Variants in C9orf153 observed in about 807,000 individuals in gnomAD.
C9orf153 encodes chromosome 9 open reading frame 153, also known as uncharacterized protein C9orf153.
In C9orf153, 10 loss-of-function variants were observed where a neutral mutation model predicts 9.0. The ratio of observed to expected loss-of-function variants is 1.11; its 90% confidence interval spans 0.69 to 1.89. The LOEUF (loss-of-function observed/expected upper bound fraction) is 1.89. Ranked by LOEUF, C9orf153 falls within the 40% of genes most tolerant of loss-of-function variation. C9orf153 has a pLI of 0.00. For missense variants in C9orf153, 108 were observed against 111.0 expected (o/e 0.97, Z 0.12); for synonymous variants, 35 against 37.3 (o/e 0.94, Z 0.23).
At chr9:86,252,903 G>A (rs1392683992) in intron 1 of C9orf153, among the ~76,000 whole-genome samples, 3 of 152,304 alleles carry the variant, frequency 2.0e-5, no homozygotes, top group African/African-American at 4.8e-5. Flanking sequence ...ACCTGGAGCT[G>A]AACTGATAGA....
chr9:86,232,410 T>C (rs1225286505), intron 1 of C9orf153, among the ~76,000 whole-genome samples: 2 of 152,234 alleles, frequency 1.3e-5, no homozygotes, highest in African/African-American at 4.8e-5. Flanking sequence ...ATGGAGAGTG[T>C]TCCTGGTGAA....
chr9:86,221,456 C>T lies in C9orf153; in HGVS notation c.*232G>A. ...ACTTTTTGTGTATTAAATCAATGCT[C>T]TCAAAAGCAAAAATCTACGTCCAAA... On this transcript the variant is annotated 3_prime_UTR_variant, in exon 4 of 4. Coordinates refer to ENST00000339137, the MANE Select transcript of C9orf153 (RefSeq NM_001276366.4). 8.5e-7 allele frequency: 1 copy of T among 1,169,736 alleles called. No homozygotes were observed. Among genetic ancestry groups the T allele is most frequent in the Non-Finnish European group, 1.1e-6 (1 of 914,924 alleles). 72.5% of individuals were successfully genotyped at this position (1,169,736 alleles called of 1,614,324 possible). A position where few individuals can be genotyped will look rare whatever the true frequency, so the allele number is the denominator to read the frequency against.
chr9:86,251,207 T>A (rs1824986116), intron 1 of C9orf153, among the ~76,000 whole-genome samples: 1 of 152,222 alleles, frequency 6.6e-6, no homozygotes, highest in Admixed American at 6.5e-5. Flanking sequence ...AAATATGATA[T>A]AATGCCAAGA....
chr9:86,242,997 T>C (rs1824782140), intron 1 of C9orf153, among the ~76,000 whole-genome samples: 1 of 152,152 alleles, frequency 6.6e-6, no homozygotes, highest in South Asian at 2.1e-4. Flanking sequence ...CACTTCTTAA[T>C]AGAAGGGAGT....
At chr9:86,228,894 A>G (rs1824399804) in intron 2 of C9orf153, 1 of 233,846 alleles carries the variant, frequency 4.3e-6, no homozygotes, top group Non-Finnish European at 9.0e-6. Flanking sequence ...AGGCTACACA[A>G]GTGGTCCAGA....
intron 1 of C9orf153, among the ~76,000 whole-genome samples, chr9:86,251,836 G>A (rs1392735050): frequency 2.0e-5 from 3 of 150,320 alleles, no homozygotes; most frequent in Admixed American, 1.3e-4. Flanking sequence ...GGTAAAATTC[G>A]TTTTCCTCTT....
intron 1 of C9orf153, among the ~76,000 whole-genome samples, chr9:86,238,750 T>C (rs774476157): frequency 2.5e-4 from 38 of 151,920 alleles, no homozygotes; most frequent in Non-Finnish European, 3.7e-4. Flanking sequence ...AGATGTGTGC[T>C]GAAATAGATC....
chr9:86,258,764 G>C (rs1014425762), intron 1 of C9orf153: 1 of 151,980 alleles, frequency 6.6e-6, no homozygotes, highest in Non-Finnish European at 1.5e-5. Flanking sequence ...TTAAATTTTA[G>C]AGCAATTTTA....
At chr9:86,239,379 TGAA>T (rs1824679187) in intron 1 of C9orf153, among the ~76,000 whole-genome samples, 1 of 152,096 alleles carries the variant, frequency 6.6e-6, no homozygotes. Flanking sequence ...TATTTTACAA[TGAA>T]GATTTATTAC....
chr9:86,252,576 G>A (rs1001810471), intron 1 of C9orf153, among the ~76,000 whole-genome samples: 6 of 152,010 alleles, frequency 3.9e-5, no homozygotes, highest in African/African-American at 1.5e-4. Flanking sequence ...TACTATTGGG[G>A]CCCCTGGAAG....
intron 3 of C9orf153, among the ~76,000 whole-genome samples, chr9:86,221,968 C>A (rs1824213658): frequency 1.3e-5 from 2 of 152,140 alleles, no homozygotes; most frequent in Non-Finnish European, 2.9e-5. Context: ...TCATCACAAC[C>A]TCCGCCTCCC....
At chr9:86,239,566 C>T (rs771006833) in intron 1 of C9orf153, among the ~76,000 whole-genome samples, 1 of 152,102 alleles carries the variant, frequency 6.6e-6, no homozygotes, top group Non-Finnish European at 1.5e-5. Flanking sequence ...CCCTGAAGGG[C>T]CTGGATGGCT....
intron 1 of C9orf153, among the ~76,000 whole-genome samples, chr9:86,249,900 G>T (rs1417228587): frequency 1.3e-5 from 2 of 152,162 alleles, no homozygotes; most frequent in African/African-American, 4.8e-5. Context: ...ACAAAAGGCA[G>T]ATCGATAGGA....
intron 3 of C9orf153, among the ~76,000 whole-genome samples, chr9:86,225,419 TTCCTTC>T: frequency 8.9e-5 from 1 of 11,262 alleles, no homozygotes; most frequent in Middle Eastern, 0.12. Flanking sequence ...CTCTCCTTCC[TTCCTTC>T]CTTCCTTCCT....
intron 1 of C9orf153, among the ~76,000 whole-genome samples, chr9:86,252,202 T>G (rs1043516404): frequency 1.3e-5 from 2 of 152,102 alleles, no homozygotes; most frequent in Non-Finnish European, 2.9e-5. Flanking sequence ...AACCAGCTAA[T>G]TTTTGTATTT....
chr9:86,220,320 T>A lies in C9orf153; in HGVS notation c.*1368A>T, dbSNP rs1204438767. ...CATACACACATATATTGTTAACAAT[T>A]TGCTTGCCATTATTTCTTGCATTCC... On this transcript the variant is annotated 3_prime_UTR_variant, in exon 4 of 4. Coordinates refer to ENST00000339137, the MANE Select transcript of C9orf153 (RefSeq NM_001276366.4). 3 of 152,208 alleles carry A rather than the reference T, an allele frequency of 2.0e-5. No homozygotes were observed. Among genetic ancestry groups the A allele is most frequent in the African/African-American group, 7.2e-5 (3 of 41,474 alleles). The allele number at this position is 152,208 out of a possible 1,614,324, so 9.4% of individuals were successfully genotyped here. A position where few individuals can be genotyped will look rare whatever the true frequency, so the allele number is the denominator to read the frequency against.
chr9:86,229,434 A>G (rs1250511149), intron 2 of C9orf153, 104 bp downstream of exon 2: 15 of 752,044 alleles, frequency 2.0e-5, no homozygotes, highest in Non-Finnish European at 3.3e-5. Context: ...GGAGTTTCCC[A>G]TGGCTCCCAA....
chr9:86,255,467 G>C (rs1450183858), intron 1 of C9orf153, among the ~76,000 whole-genome samples: 1 of 152,128 alleles, frequency 6.6e-6, no homozygotes, highest in African/African-American at 2.4e-5. Context: ...TTAACTGAGA[G>C]TTTGACACCT....
intron 1 of C9orf153, among the ~76,000 whole-genome samples, chr9:86,247,690 T>G (rs1391779953): frequency 2.0e-5 from 3 of 152,076 alleles, no homozygotes; most frequent in East Asian, 1.9e-4. Flanking sequence ...AATAAATAAA[T>G]AAGAAGAAGA....
Sources: gnomAD v4.1 joint callset for allele counts (sites outside exome capture counted in the v4.1 genomes callset) on GRCh38, gnomAD v4.1.1 for gene constraint, MANE v1.5 for transcripts, NCBI Gene and HGNC (gene_info 2026-07-23, HGNC 2026-07-21) for gene names.